CCDC158: variants seen among roughly 807,000 people sequenced by gnomAD.
CCDC158 encodes the protein coiled-coil domain containing 158.
In CCDC158, 116 loss-of-function variants were observed where a neutral mutation model predicts 138.6. The observed-to-expected ratio is 0.84, with a 90% CI of 0.72 to 0.98. CCDC158 has a LOEUF of 0.98. CCDC158 is among the 50% of genes least tolerant of loss of function. The pLI is 0.00. For synonymous variants in CCDC158, 436 were observed against 442.4 expected, an observed-to-expected ratio of 0.99 and a Z score of 0.18; for missense variants, 1,265 against 1,306.1, an observed-to-expected ratio of 0.97 and a Z score of 0.48.
chr4:76,382,392 A>G (rs1726344998), intron 8 of CCDC158, among the ~76,000 whole-genome samples: 1 of 152,144 alleles, frequency 6.6e-6, no homozygotes, highest in African/African-American at 2.4e-5. Context: ...AAAACAGCCA[A>G]TCCCAGGAGC....
rs1246881737 is a variant in CCDC158, at chr4:76,396,176, C to T, written c.288+93G>A. 13 of 800,676 alleles carry T rather than the reference C, an allele frequency of 1.6e-5. No homozygotes were observed. In the Admixed American group the frequency reaches 1.6e-4, roughly 10 times the overall value. The allele number at this position is 800,676 out of a possible 1,614,324, so 49.6% of individuals were successfully genotyped here. ...TAAACCCATTTGTTAGTTTTTTCTT[C>T]CAGGAAGTTGTATAACTGGCTTTAC... On this transcript the variant is annotated intron_variant, in intron 4 of 24. Transcript: ENST00000682701.
intron 24 of CCDC158, among the ~76,000 whole-genome samples, chr4:76,321,332 A>G: frequency 6.6e-6 from 1 of 151,858 alleles, no homozygotes; most frequent in East Asian, 1.9e-4. Context: ...GTAAACTAGT[A>G]CAACAACTAT....
chr4:76,343,659 G>A (rs1421424727), intron 18 of CCDC158, among the ~76,000 whole-genome samples: 1 of 152,084 alleles, frequency 6.6e-6, no homozygotes, highest in East Asian at 1.9e-4. Context: ...AAATTAGCCA[G>A]GTGTGGTGGC....
At chr4:76,321,791 G>GTA (rs775563565) in intron 24 of CCDC158, among the ~76,000 whole-genome samples, 271 of 144,622 alleles carry the variant, frequency 1.9e-3, no homozygotes, top group Non-Finnish European at 2.5e-3. Flanking sequence ...ATATATATAT[G>GTA]TATATATATA....
intron 8 of CCDC158, among the ~76,000 whole-genome samples, chr4:76,381,769 C>T (rs889243748): frequency 2.0e-5 from 3 of 152,132 alleles, no homozygotes; most frequent in Non-Finnish European, 4.4e-5. Context: ...GCAAGCTCTG[C>T]CTCCCGGGTT....
chr4:76,357,585 A>G (rs1480319537), intron 13 of CCDC158, 59 bp from the exon 14 acceptor site: 1 of 1,071,018 alleles, frequency 9.3e-7, no homozygotes, highest in East Asian at 3.0e-5. Context: ...TTGTTAATTA[A>G]GTATATTTTA....
chr4:76,409,300 C>T (rs1291401816), intron 2 of CCDC158, among the ~76,000 whole-genome samples: 1 of 151,462 alleles, frequency 6.6e-6, no homozygotes, highest in African/African-American at 2.4e-5. Context: ...TTAAAGATTT[C>T]TAGAAAAAGC....
intron 18 of CCDC158, among the ~76,000 whole-genome samples, chr4:76,339,973 G>A (rs1406928818): frequency 6.6e-6 from 1 of 152,172 alleles, no homozygotes; most frequent in Non-Finnish European, 1.5e-5. Context: ...ACTGACCAGA[G>A]TTTTTGGGTT....
In CCDC158 at chr4:76,361,611, G is replaced by A. The variant is rs114586389; in HGVS notation, c.2020+515C>T. On this transcript the variant is annotated intron_variant, in intron 13 of 24. Transcript: ENST00000682701. ...ATCCAGTCTGAGGTAGTTCTTTACA[G>A]CAATGCGAGAAGGGACTAATACACA... Among the ~76,000 whole-genome samples the A allele has an allele frequency of 4.0e-3, 606 of 152,226 alleles. 2 individuals are homozygous for A. The highest frequency in any genetic ancestry group is 0.014 in the African/African-American group (575 of 41,534).
chr4:76,333,201 C>T (rs912601035), intron 19 of CCDC158, among the ~76,000 whole-genome samples: 8 of 152,048 alleles, frequency 5.3e-5, no homozygotes, highest in African/African-American at 1.9e-4. Flanking sequence ...TATTTTGCTA[C>T]CTCAGGTAAA....
chr4:76,331,566 G>A (rs1169663703), intron 20 of CCDC158, among the ~76,000 whole-genome samples, 163 bp from the exon 21 acceptor site: 3 of 152,148 alleles, frequency 2.0e-5, no homozygotes, highest in African/African-American at 7.2e-5. Flanking sequence ...TGATAAAATT[G>A]CTTCTCTCAA....
chr4:76,348,523 T>C (rs973337847), intron 18 of CCDC158, among the ~76,000 whole-genome samples: 1 of 151,876 alleles, frequency 6.6e-6, no homozygotes, highest in Admixed American at 6.5e-5. Flanking sequence ...TGGTTCCACC[T>C]TGGGGTTTAG....
At chr4:76,421,514 C>T (rs892876612), upstream of CCDC158, among the ~76,000 whole-genome samples, 4 of 152,116 alleles carry the variant, frequency 2.6e-5, no homozygotes, top group African/African-American at 9.7e-5. Context: ...CTCTTGCCCC[C>T]ACCCGAGCGC....
Position 76,410,973 on chromosome 4 carries a change from A to G in CCDC158, c.-74+1117T>C, listed in dbSNP as rs79874781. ...TACAGCTTAAAAGGTAAAAGAGTGT[A>G]TACCTCAAAAGAATAAGAGTTAACT... On this transcript the variant is annotated intron_variant, in intron 2 of 24. Coordinates refer to ENST00000682701, the MANE Select transcript of CCDC158 (RefSeq NM_001394954.1). Among the ~76,000 whole-genome samples, 309 of 152,368 alleles carry G rather than the reference A, an allele frequency of 2.0e-3. 10 individuals carry two copies. In the East Asian group the frequency reaches 0.051, roughly 25 times the overall value.
At chr4:76,387,821 TA>T (rs57778797) in intron 4 of CCDC158, among the ~76,000 whole-genome samples, 125 of 104,004 alleles carry the variant, frequency 1.2e-3, no homozygotes, top group East Asian at 1.4e-3. Context: ...AGACTACAAC[TA>T]AAAAAAAAAA....
chr4:76,335,335 A>C (rs1041661303), intron 18 of CCDC158, among the ~76,000 whole-genome samples: 1 of 152,188 alleles, frequency 6.6e-6, no homozygotes, highest in African/African-American at 2.4e-5. Context: ...AGAAAAACTT[A>C]TCCTATGGCA....
chr4:76,314,941 T>C (rs1274315385), intron 24 of CCDC158, among the ~76,000 whole-genome samples: 1 of 152,114 alleles, frequency 6.6e-6, no homozygotes. Context: ...CTACTGACAG[T>C]GTGGGCAGAC....
chr4:76,418,511 A>C (rs943496909), intron 1 of CCDC158, among the ~76,000 whole-genome samples: 1 of 152,148 alleles, frequency 6.6e-6, no homozygotes, highest in Non-Finnish European at 1.5e-5. Flanking sequence ...CATTCCCAAG[A>C]CTGGGTAATT....
At chr4:76,376,943 C>A (rs1047374699) in intron 9 of CCDC158, among the ~76,000 whole-genome samples, 1 of 152,088 alleles carries the variant, frequency 6.6e-6, no homozygotes, top group African/African-American at 2.4e-5. Context: ...TACATTAGAG[C>A]AAAATAAGAG....
Sources: gnomAD v4.1 joint callset for allele counts (sites outside exome capture counted in the v4.1 genomes callset) on GRCh38, gnomAD v4.1.1 for gene constraint, MANE v1.5 for transcripts, NCBI Gene and HGNC (gene_info 2026-07-23, HGNC 2026-07-21) for gene names.